LINGO2: variants seen among roughly 807,000 people sequenced by gnomAD.
The protein encoded by LINGO2 is leucine-rich repeat and immunoglobulin-like domain-containing nogo receptor-interacting protein 2.
In LINGO2, 14 loss-of-function variants were observed where a neutral mutation model predicts 30.6. The observed-to-expected ratio is 0.46, with a 90% CI of 0.30 to 0.72. The LOEUF (loss-of-function observed/expected upper bound fraction) is 0.72, where lower values mean the gene tolerates loss of function less well. Ranked by LOEUF, LINGO2 falls within the 30% of genes least tolerant of loss-of-function variation. The pLI is 0.07. For synonymous variants in LINGO2, 317 were observed against 288.5 expected (o/e 1.10, Z -1.00); for missense variants, 729 against 751.7 (o/e 0.97, Z 0.35).
intron 2 of LINGO2, among the ~76,000 whole-genome samples, chr9:28,382,714 T>C (rs1821402344): frequency 6.6e-6 from 1 of 152,082 alleles, no homozygotes; most frequent in Admixed American, 6.6e-5. Context: ...ACTTGCTCTG[T>C]TTTTAGACAG....
At chr9:28,035,760 T>C (rs1823901089) in intron 4 of LINGO2, among the ~76,000 whole-genome samples, 2 of 152,274 alleles carry the variant, frequency 1.3e-5, no homozygotes, top group South Asian at 4.1e-4. Context: ...GTTGAATATA[T>C]GTTATGTATT....
At chr9:29,092,022 A>C in the LINGO2 span, among the ~76,000 whole-genome samples, 1 of 152,168 alleles carries the variant, frequency 6.6e-6, no homozygotes, top group Middle Eastern at 3.4e-3. Context: ...TGACTATAAA[A>C]ATAGTAATAA....
chr9:29,059,044 C>G, the LINGO2 span, among the ~76,000 whole-genome samples: 3 of 151,704 alleles, frequency 2.0e-5, no homozygotes, highest in Admixed American at 6.6e-5. Flanking sequence ...AAATACAACT[C>G]TAGCATAAAT....
At chr9:27,949,326 C>T (rs543561013) in exon 6 of LINGO2, 2 of 1,614,096 alleles carry the variant, frequency 1.2e-6, no homozygotes, top group African/African-American at 2.7e-5. Context: ...GATGAAACGC[C>T]TTCGGGGTGT....
rs12057041 is a variant in LINGO2 at position 28,257,667 on chromosome 9, A to G, written c.-87+37541T>C. On this transcript the variant is annotated intron_variant, in intron 4 of 5. Transcript: ENST00000379992. ...TGATCTCCACCTGCGTTTCAGCAAT[A>G]CTCTTTGATCCACATGCTTATTTAT... Among the ~76,000 whole-genome samples the G allele has an allele frequency of 0.016, 2,443 of 151,880 alleles. 138 individuals carry two copies. The East Asian group carries it at 0.19, about 12-fold the overall frequency.
chr9:28,343,833 A>C (rs959301907), intron 3 of LINGO2, among the ~76,000 whole-genome samples: 1 of 152,122 alleles, frequency 6.6e-6, no homozygotes, highest in African/African-American at 2.4e-5. Flanking sequence ...GAGATGCCTA[A>C]ACGCGACATT....
chr9:28,723,489 C>T, the LINGO2 span, among the ~76,000 whole-genome samples: 3 of 152,054 alleles, frequency 2.0e-5, no homozygotes, highest in African/African-American at 7.2e-5. Context: ...CCTTGAAAGG[C>T]CCAACCTATC....
chr9:28,299,891 C>T (rs190319562), intron 3 of LINGO2, among the ~76,000 whole-genome samples: 2 of 152,216 alleles, frequency 1.3e-5, no homozygotes, highest in East Asian at 3.9e-4. Flanking sequence ...CATGATACTC[C>T]TGTCTTTCCA....
At chr9:28,523,607 A>G (rs1820905674) in intron 1 of LINGO2, among the ~76,000 whole-genome samples, 1 of 152,184 alleles carries the variant, frequency 6.6e-6, no homozygotes, top group African/African-American at 2.4e-5. Context: ...CAAGATCAAC[A>G]CACAAAAATC....
intron 4 of LINGO2, among the ~76,000 whole-genome samples, chr9:28,270,357 A>AGGAG (rs1822897187): frequency 6.6e-6 from 1 of 151,942 alleles, no homozygotes; most frequent in Non-Finnish European, 1.5e-5. Context: ...GATCAGTGGG[A>AGGAG]GGAGGCCTTT....
chr9:28,698,998 T>C, the LINGO2 span, among the ~76,000 whole-genome samples: 1 of 151,836 alleles, frequency 6.6e-6, no homozygotes, highest in South Asian at 2.1e-4. Context: ...GCTATGATGA[T>C]ACCACTGCAC....
At chr9:28,467,319 G>T (rs1413143499) in intron 2 of LINGO2, among the ~76,000 whole-genome samples, 1 of 151,984 alleles carries the variant, frequency 6.6e-6, no homozygotes, top group Admixed American at 6.6e-5. Flanking sequence ...GAGCCACCAT[G>T]CCTGGCCCCC....
At chr9:28,769,554 G>T in the LINGO2 span, among the ~76,000 whole-genome samples, 3 of 87,662 alleles carry the variant, frequency 3.4e-5, no homozygotes, top group Non-Finnish European at 6.3e-5. Context: ...TTACCTGAAT[G>T]TCCTCCAGTT....
At chr9:28,681,210 G>C in the LINGO2 span, among the ~76,000 whole-genome samples, 2 of 151,944 alleles carry the variant, frequency 1.3e-5, no homozygotes, top group Non-Finnish European at 2.9e-5. Flanking sequence ...TGGTACCCTG[G>C]ACTAACTTAG....
intron 4 of LINGO2, among the ~76,000 whole-genome samples, chr9:28,071,681 G>T (rs1369124376): frequency 6.6e-6 from 1 of 151,736 alleles, no homozygotes; most frequent in African/African-American, 2.4e-5. Flanking sequence ...GTGTACTTTG[G>T]CAAAAATTAG....
At chr9:28,089,130 A>C (rs1292796224) in intron 4 of LINGO2, among the ~76,000 whole-genome samples, 12 of 152,076 alleles carry the variant, frequency 7.9e-5, no homozygotes, top group South Asian at 2.1e-4. Context: ...ACTTTAACAC[A>C]CCATTGTCAA....
At chr9:28,308,111 C>A (rs1282521000) in intron 3 of LINGO2, among the ~76,000 whole-genome samples, 2 of 139,504 alleles carry the variant, frequency 1.4e-5, no homozygotes, top group Non-Finnish European at 3.3e-5. Context: ...AAAAAAGAGC[C>A]CTCATCGCCA....
intron 5 of LINGO2, among the ~76,000 whole-genome samples, chr9:27,955,027 C>T (rs1304586393): frequency 1.3e-5 from 2 of 152,122 alleles, no homozygotes; most frequent in Non-Finnish European, 2.9e-5. Context: ...ATTTTGTTTT[C>T]ATATTCCTGT....
At chr9:28,987,210 T>G in the LINGO2 span, among the ~76,000 whole-genome samples, 2 of 151,830 alleles carry the variant, frequency 1.3e-5, no homozygotes, top group Non-Finnish European at 2.9e-5. Flanking sequence ...GTATTACTGA[T>G]TAAATCTCCT....
Sources: allele counts gnomAD v4.1 joint callset (sites outside exome capture counted in the v4.1 genomes callset), GRCh38; gene constraint gnomAD v4.1.1; transcripts MANE v1.5; gene names NCBI Gene and HGNC (gene_info 2026-07-23, HGNC 2026-07-21).